The following SCAF8 variants were observed in gnomAD, a reference collection of about 807,000 sequenced individuals.
SCAF8 encodes the protein SR-related CTD associated factor 8.
SCAF8 carries 23 observed loss-of-function variants against 140.5 expected under a neutral mutation model. The observed-to-expected ratio is 0.16, with a 90% confidence interval of 0.12 to 0.23. The LOEUF is 0.23. Ranked by LOEUF, SCAF8 falls within the 10% of genes least tolerant of loss-of-function variation. The pLI, the probability that SCAF8 is intolerant of heterozygous loss-of-function variation, is 1.00. For missense variants in SCAF8, 1,397 were observed against 1,555.7 expected, an observed-to-expected ratio of 0.90 and a Z score of 1.72; for synonymous variants, 575 against 528.9, an observed-to-expected ratio of 1.09 and a Z score of -1.20.
At chr6:154,773,044 G>A (rs1303098848) in intron 1 of SCAF8, among the ~76,000 whole-genome samples, 1 of 152,194 alleles carries the variant, frequency 6.6e-6, no homozygotes, top group African/African-American at 2.4e-5. Flanking sequence ...ACAGGCATGA[G>A]CCACCTTGCC....
At chr6:154,777,404 A>G (rs569181325) in intron 2 of SCAF8, among the ~76,000 whole-genome samples, 31 of 152,314 alleles carry the variant, frequency 2.0e-4, no homozygotes, top group African/African-American at 7.5e-4. Context: ...GCCAATTACT[A>G]ATTTTTAATC....
chr6:154,798,731 T>G (rs150916949), intron 6 of SCAF8, among the ~76,000 whole-genome samples: 1 of 151,146 alleles, frequency 6.6e-6, no homozygotes, highest in Admixed American at 6.6e-5. Flanking sequence ...TACCTGAGAG[T>G]TCATGCAACT....
intron 13 of SCAF8, 102 bp from the exon 14 acceptor site, chr6:154,818,377 G>A (rs893645412): frequency 1.9e-5 from 9 of 478,778 alleles, no homozygotes; most frequent in Non-Finnish European, 3.7e-6. Flanking sequence ...TATCAGAATT[G>A]AAGTATTAGT....
chr6:154,754,907 T>C (rs866979159), intron 1 of SCAF8, among the ~76,000 whole-genome samples: 1 of 152,212 alleles, frequency 6.6e-6, no homozygotes, highest in South Asian at 2.1e-4. Context: ...AAATCATTGT[T>C]GTCACCTCAT....
At chr6:154,788,156 G>A (rs1777308353) in intron 4 of SCAF8, 134 bp downstream of exon 4, 12 of 691,926 alleles carry the variant, frequency 1.7e-5, no homozygotes. Flanking sequence ...CGCATATACA[G>A]TGGTGGTCTC....
intron 6 of SCAF8, among the ~76,000 whole-genome samples, chr6:154,799,185 C>T (rs1777694977): frequency 6.6e-6 from 1 of 150,868 alleles, no homozygotes; most frequent in Non-Finnish European, 1.5e-5. Context: ...ACCTTGTTTG[C>T]CAGGCTGTTG....
chr6:154,752,242 A>G (rs1778855771), intron 1 of SCAF8, among the ~76,000 whole-genome samples: 1 of 152,176 alleles, frequency 6.6e-6, no homozygotes, highest in South Asian at 2.1e-4. Flanking sequence ...GCCGCCAGGA[A>G]GGAGATGGTG....
chr6:154,790,619 T>C (rs561143849), intron 4 of SCAF8, among the ~76,000 whole-genome samples: 33 of 147,088 alleles, frequency 2.2e-4, no homozygotes, highest in Admixed American at 1.8e-3. Context: ...CACGCCATTC[T>C]CTTGCCTCAG....
chr6:154,796,561 A>G (rs563512222), intron 6 of SCAF8, among the ~76,000 whole-genome samples: 2 of 152,050 alleles, frequency 1.3e-5, no homozygotes, highest in African/African-American at 2.4e-5. Flanking sequence ...TCTATTTTCA[A>G]ATTAGGATTA....
intron 1 of SCAF8, among the ~76,000 whole-genome samples, chr6:154,735,856 T>C (rs1221049138): frequency 6.6e-6 from 1 of 151,470 alleles, no homozygotes; most frequent in East Asian, 1.9e-4. Flanking sequence ...TTGAGGAGTG[T>C]CATTCTGTCA....
intron 1 of SCAF8, among the ~76,000 whole-genome samples, chr6:154,770,493 C>A: frequency 6.6e-6 from 1 of 151,534 alleles, no homozygotes; most frequent in Non-Finnish European, 1.5e-5. Flanking sequence ...ACCCGTTGAG[C>A]CTGGGAGGTC....
rs566776916 is a variant in SCAF8, at chr6:154,739,361, C to T, written c.30+5431C>T. Among the ~76,000 whole-genome samples the T allele has an allele frequency of 4.6e-5, 7 of 152,244 alleles. 1 individual carries two copies. The highest frequency in any genetic ancestry group is 1.4e-4 in the African/African-American group (6 of 41,548). ...CGTAGTTCCTTTACCATTAATCACA[C>T]TTCAAAAAAGTTAACAGTAAATCTT... On this transcript the variant is annotated intron_variant, in intron 1 of 19. Transcript: ENST00000367178.
intron 1 of SCAF8, among the ~76,000 whole-genome samples, chr6:154,761,684 G>A (rs1435002734): frequency 6.6e-6 from 1 of 151,998 alleles, no homozygotes; most frequent in Non-Finnish European, 1.5e-5. Flanking sequence ...GAATATTGCT[G>A]TGTCATTAGA....
rs777465209 is a variant in SCAF8 at position 154,833,142 on chromosome 6, T to A, written c.3563T>A (p.Val1188Asp). Residue 1188 changes from valine (V) to aspartate (D), a missense_variant, in exon 20 of 20, where the codon GTT (valine) becomes GAT (aspartate). Val to Asp is a radical substitution (Grantham distance 152). This residue lies in a region of SCAF8 where 930 missense variants were observed against 874.6 expected (regional missense o/e 1.06). Transcript: ENST00000367178. ...CGAGACAGAATTCAAAACACTTGGG[T>A]TCCCCCTCCTCATGCTCGGGTTTTT... ...LGRDRIQNTW[V>D]PPPHARVFDY... is the part of the protein sequence containing the mutation. 6.2e-7 allele frequency: 1 copy of A among 1,614,104 alleles called. No homozygotes were observed. The highest frequency in any genetic ancestry group is 2.2e-5 in the East Asian group (1 of 44,872).
intron 7 of SCAF8, among the ~76,000 whole-genome samples, chr6:154,802,942 T>C (rs1777811406): frequency 1.3e-5 from 2 of 152,234 alleles, no homozygotes; most frequent in Non-Finnish European, 2.9e-5. Context: ...AAATCTTTCA[T>C]GTACAATTTA....
At chr6:154,740,118 C>T (rs1047336016) in intron 1 of SCAF8, among the ~76,000 whole-genome samples, 4 of 152,044 alleles carry the variant, frequency 2.6e-5, no homozygotes, top group Non-Finnish European at 5.9e-5. Context: ...TGTGAAAGTC[C>T]TTTAAAGATG....
At chr6:154,808,458 G>T (rs1583054603) in intron 10 of SCAF8, among the ~76,000 whole-genome samples, 1 of 101,124 alleles carries the variant, frequency 9.9e-6, no homozygotes, top group Non-Finnish European at 1.8e-5. Flanking sequence ...TTGTTTTTGC[G>T]ATTTTTTTTT....
intron 4 of SCAF8, among the ~76,000 whole-genome samples, chr6:154,789,194 T>G (rs1235554126): frequency 6.6e-6 from 1 of 152,090 alleles, no homozygotes; most frequent in African/African-American, 2.4e-5. Context: ...CTGCTACCTC[T>G]GCCTCCCGGG....
chr6:154,809,881 C>T lies in SCAF8; in HGVS notation c.1227-134C>T, dbSNP rs1039109365. ...AATGCATTTTTGAGACTTGATTTTA[C>T]TTCAGAATATTTTAACATATTGTCA... is the stretch of plus-strand genomic sequence containing the variant. On this transcript the variant is annotated intron_variant, in intron 11 of 19. Coordinates refer to ENST00000367178, the MANE Select transcript of SCAF8 (RefSeq NM_014892.5). The T allele has an allele frequency of 9.8e-5, 77 of 784,372 alleles. No homozygotes were observed. The African/African-American group carries it at 1.1e-3, about 12-fold the overall frequency. The allele number at this position is 784,372 out of a possible 1,614,324, so 48.6% of individuals were successfully genotyped here.
Sources: allele counts gnomAD v4.1 joint callset (sites outside exome capture counted in the v4.1 genomes callset), GRCh38; gene constraint gnomAD v4.1.1; regional missense constraint gnomAD v4.1.1; transcripts MANE v1.5; gene names NCBI Gene and HGNC (gene_info 2026-07-23, HGNC 2026-07-21).